The following ZNF578 variants were observed in gnomAD, a reference collection of about 807,000 sequenced individuals.
ZNF578 encodes zinc finger protein 578, also known as Putative chemokine-related protein B42.
In ZNF578, 8 loss-of-function variants were observed where a neutral mutation model predicts 8.3. The ratio of observed to expected loss-of-function variants is 0.96; its 90% CI spans 0.56 to 1.74. The LOEUF is 1.74. Ranked by LOEUF, ZNF578 falls within the 40% of genes most tolerant of loss-of-function variation. The pLI is 0.00. For missense variants in ZNF578, 726 were observed against 707.5 expected, an observed-to-expected ratio of 1.03 and a Z score of -0.30; for synonymous variants, 206 against 232.2, an observed-to-expected ratio of 0.89 and a Z score of 1.03.
intron 2 of ZNF578, among the ~76,000 whole-genome samples, chr19:52,488,906 CCT>C (rs1284927265): frequency 6.6e-6 from 1 of 152,036 alleles, no homozygotes; most frequent in African/African-American, 2.4e-5. Context: ...ACCTGCCTGG[CCT>C]ACATGGTGAA....
At chr19:52,480,822 G>A (rs1433269904) in intron 2 of ZNF578, among the ~76,000 whole-genome samples, 1 of 151,326 alleles carries the variant, frequency 6.6e-6, no homozygotes, top group African/African-American at 2.4e-5. Context: ...CTTGAACCTG[G>A]GAGGCAGAGG....
intron 5 of ZNF578, among the ~76,000 whole-genome samples, chr19:52,507,941 C>T (rs189909450): frequency 3.9e-5 from 6 of 152,112 alleles, no homozygotes; most frequent in Non-Finnish European, 7.4e-5. Context: ...CCCAGCTACT[C>T]GGGTGGCTGA....
At chr19:52,508,321 G>A (rs1335556798) in intron 5 of ZNF578, among the ~76,000 whole-genome samples, 1 of 151,770 alleles carries the variant, frequency 6.6e-6, no homozygotes, top group Non-Finnish European at 1.5e-5. Context: ...TCCAGCCTGG[G>A]TGACAGAGCA....
chr19:52,461,234 A>G (rs1192892889), intron 2 of ZNF578, among the ~76,000 whole-genome samples: 1 of 152,178 alleles, frequency 6.6e-6, no homozygotes, highest in Non-Finnish European at 1.5e-5. Flanking sequence ...GATGTTCAGT[A>G]GCATTATGTG....
At chr19:52,490,060 A>G (rs771241721) in intron 2 of ZNF578, among the ~76,000 whole-genome samples, 94 of 152,290 alleles carry the variant, frequency 6.2e-4, no homozygotes, top group Non-Finnish European at 1.5e-4. Flanking sequence ...CAGACCAGGG[A>G]GCCTGCATCA....
Position 52,511,927 on chromosome 19 carries a change from T to C in ZNF578, c.1546T>C (p.Cys516Arg), listed in dbSNP as rs2059449796. The change falls in exon 6 of 6, where the codon TGT becomes CGT. Residue 516 changes from cysteine to arginine, a missense_variant. By Grantham distance (180) the Cys-to-Arg change is radical (BLOSUM62 -3). Coordinates refer to ENST00000421239, the MANE Select transcript of ZNF578 (RefSeq NM_001099694.2). ...SGEKPYKCNE[C>R]GKTFNVQSHL... is the part of the protein sequence containing the mutation. ...TGAGAAACCTTACAAGTGTAATGAA[T>C]GTGGGAAGACTTTTAATGTACAGTC... 1.9e-6 allele frequency: 3 copies of C among 1,613,988 alleles called. No homozygotes were observed. The highest frequency in any genetic ancestry group is 2.2e-5 in the South Asian group (2 of 91,068).
At chr19:52,470,245 C>T (rs542269841) in intron 2 of ZNF578, among the ~76,000 whole-genome samples, 42 of 152,260 alleles carry the variant, frequency 2.8e-4, no homozygotes, top group African/African-American at 9.9e-4. Context: ...GCTGATTCTT[C>T]TCAGGATCCT....
intron 3 of ZNF578, among the ~76,000 whole-genome samples, chr19:52,501,232 T>A: frequency 6.6e-6 from 1 of 152,328 alleles, no homozygotes; most frequent in East Asian, 1.9e-4. Context: ...TGGTGAGAAC[T>A]TGGCCCCAAG....
At position 52,477,403 on chromosome 19, in the gene ZNF578, G is replaced by A. The variant is rs552170025; in HGVS notation, c.-121-13921G>A. Among the ~76,000 whole-genome samples, 33 of 152,160 alleles carry A rather than the reference G, an allele frequency of 2.2e-4. No individual in the cohort carries two copies. The East Asian group carries it at 3.3e-3, about 15-fold the overall frequency. ...CCTTCTCATTTCCTGATGGGGGTAC[G>A]ATTCTGATGAAATTTTGAGTGGCAC... On this transcript the variant is annotated intron_variant, in intron 2 of 5. Coordinates refer to ENST00000421239, the MANE Select transcript of ZNF578 (RefSeq NM_001099694.2).
chr19:52,474,511 A>G, intron 2 of ZNF578: 1 of 306,378 alleles, frequency 3.3e-6, no homozygotes. Flanking sequence ...ATGTTCTGCA[A>G]GGTGTGAACT....
chr19:52,503,135 C>T (rs1481106711), intron 4 of ZNF578, among the ~76,000 whole-genome samples: 1 of 152,178 alleles, frequency 6.6e-6, no homozygotes, highest in African/African-American at 2.4e-5. Flanking sequence ...TGTGATCTGC[C>T]TGTCTTGGAC....
chr19:52,499,969 C>T (rs1048415058), intron 3 of ZNF578, among the ~76,000 whole-genome samples: 6 of 152,154 alleles, frequency 3.9e-5, no homozygotes, highest in African/African-American at 1.2e-4. Context: ...CCACGGGCCG[C>T]TTTCCTTTTC....
chr19:52,512,417 A>G lies in ZNF578; in HGVS notation c.*263A>G, dbSNP rs2059452766. 1 of 1,453,884 alleles carries G rather than the reference A, an allele frequency of 6.9e-7. No individual in the cohort carries two copies. Among genetic ancestry groups the G allele is most frequent in the Non-Finnish European group, 9.6e-7 (1 of 1,038,492 alleles). The allele number at this position is 1,453,884 out of a possible 1,614,324, so 90.1% of individuals were successfully genotyped here. On this transcript the variant is annotated 3_prime_UTR_variant, in exon 6 of 6. Coordinates refer to ENST00000421239, the MANE Select transcript of ZNF578 (RefSeq NM_001099694.2). ...AATCATTGGAGAATCCATAATGAAGAGAGATCTTCCGAGTGTAATAAATGT... is the reference window on the plus strand; with the variant it reads ...AATCATTGGAGAATCCATAATGAAGGGAGATCTTCCGAGTGTAATAAATGT...
intron 5 of ZNF578, among the ~76,000 whole-genome samples, chr19:52,507,012 A>C (rs1448689831): frequency 6.6e-6 from 1 of 152,058 alleles, no homozygotes; most frequent in Non-Finnish European, 1.5e-5. Flanking sequence ...CAGCACTTTG[A>C]AAGGCTGAGG....
At position 52,511,836 on chromosome 19, in the gene ZNF578, T is replaced by C; in HGVS notation, c.1455T>C (p.Cys485=). The change falls in exon 6 of 6, where the codon TGT becomes TGC. Residue 485 remains cysteine (C), a synonymous_variant. Transcript: ENST00000421239. ...IIHTGEKPYK[C]NECHKTFSHR... Reference sequence around the variant, plus strand: ...ATACTGGAGAGAAACCTTACAAGTGTAATGAGTGTCACAAGACCTTCAGTC... The same window carrying C: ...ATACTGGAGAGAAACCTTACAAGTGCAATGAGTGTCACAAGACCTTCAGTC... The C allele has an allele frequency of 2.5e-6, 4 of 1,613,878 alleles. No homozygotes were observed. Among genetic ancestry groups the C allele is most frequent in the Non-Finnish European group, 2.5e-6 (3 of 1,179,908 alleles).
chr19:52,498,364 C>G (rs1006550437), intron 3 of ZNF578, among the ~76,000 whole-genome samples: 2 of 139,686 alleles, frequency 1.4e-5, no homozygotes, highest in African/African-American at 5.5e-5. Context: ...TGGAGTCTCA[C>G]TCTGTCGCCC....
chr19:52,513,265 G>C lies in ZNF578; in HGVS notation c.*1111G>C, dbSNP rs1228507079. 1.3e-5 allele frequency among the ~76,000 whole-genome samples: 2 copies of C among 148,622 alleles called. No individual in the cohort carries two copies. The highest frequency in any genetic ancestry group is 5.0e-5 in the African/African-American group (2 of 40,320). The stretch of plus-strand genomic sequence containing the variant: ...TCAAACTCCCGATCTCAGGTGATCC[G>C]CCCACCTCAGCCTCCCAAAGTGATG... On this transcript the variant is annotated 3_prime_UTR_variant, in exon 6 of 6. Transcript: ENST00000421239.
chr19:52,489,241 G>A (rs1214218487), intron 2 of ZNF578, among the ~76,000 whole-genome samples: 1 of 151,830 alleles, frequency 6.6e-6, no homozygotes, highest in Admixed American at 6.6e-5. Context: ...AGCATGACTT[G>A]GTCTCAAAAA....
At position 52,512,131 on chromosome 19, in the gene ZNF578, A is replaced by T. The variant is rs4802965; in HGVS notation, c.1750A>T (p.Ile584Phe). The T allele has an allele frequency of 4.3e-6, 7 of 1,611,860 alleles. No homozygotes were observed. The African/African-American group carries it at 5.4e-5, about 12-fold the overall frequency. Residue 584 changes from isoleucine to phenylalanine, a missense_variant, in exon 6 of 6, where the codon ATC (isoleucine) becomes TTC (phenylalanine). Coordinates refer to ENST00000421239, the MANE Select transcript of ZNF578 (RefSeq NM_001099694.2). ...KAHNHLIDSS[I>F]KPCMSS ...TCACAATCACTTGATTGATTCATCAATCAAGCCTTGCATGTCATCATAGAC... is the reference window on the plus strand; with the variant it reads ...TCACAATCACTTGATTGATTCATCATTCAAGCCTTGCATGTCATCATAGAC...
Sources: allele counts gnomAD v4.1 joint callset (sites outside exome capture counted in the v4.1 genomes callset), GRCh38; gene constraint gnomAD v4.1.1; transcripts MANE v1.5; gene names NCBI Gene and HGNC (gene_info 2026-07-23, HGNC 2026-07-21).